TFDP2: variants seen among roughly 807,000 people sequenced by gnomAD.
The protein encoded by TFDP2 is transcription factor Dp-2 (E2F dimerization partner 2).
TFDP2 carries 17 observed loss-of-function variants against 59.3 expected under a neutral mutation model. That is an observed-to-expected ratio of 0.29 (90% CI 0.20 to 0.43). TFDP2 has a LOEUF of 0.43. TFDP2 is among the 20% of genes least tolerant of loss of function. TFDP2 has a pLI of 1.00. For missense variants in TFDP2, 391 were observed against 528.8 expected, an observed-to-expected ratio of 0.74 and a Z score of 2.56; for synonymous variants, 180 against 194.7, an observed-to-expected ratio of 0.92 and a Z score of 0.63.
At position 141,963,867 on chromosome 3, in the gene TFDP2, T is replaced by C. The variant is rs1317022460; in HGVS notation, c.829A>G (p.Ile277Val). 4 of 1,613,556 alleles carry C rather than the reference T, an allele frequency of 2.5e-6. No individual in the cohort carries two copies. Among genetic ancestry groups the C allele is most frequent in the African/African-American group, 2.7e-5 (2 of 74,798 alleles). Residue 277 changes from isoleucine (I) to valine (V), a missense_variant, in exon 10 of 13, where the codon ATA (isoleucine) becomes GTA (valine). Physicochemically the swap from Ile to Val is conservative, Grantham distance 29. Transcript: ENST00000489671. ...GTTTTTCTGCTTGTATTGATGATTA[T>C]GAATGGCAGCTGAATGGTAGAGTTC... ...ALNSTIQLPF[I>V]IINTSRKTVI...
intron 3 of TFDP2, among the ~76,000 whole-genome samples, chr3:142,039,894 G>A (rs781529046): frequency 2.6e-5 from 4 of 152,092 alleles, no homozygotes; most frequent in Admixed American, 2.0e-4. Context: ...CCAGGTACCA[G>A]GTAACAGCAG....
chr3:142,029,680 A>G (rs1422685510), intron 3 of TFDP2, among the ~76,000 whole-genome samples: 2 of 152,206 alleles, frequency 1.3e-5, no homozygotes, highest in Admixed American at 1.3e-4. Context: ...TTAAAAACAA[A>G]GCAACTGAGA....
At chr3:141,959,952 A>G in intron 10 of TFDP2, 112 bp from the exon 11 acceptor site, 2 of 1,005,270 alleles carry the variant, frequency 2.0e-6, no homozygotes, top group Non-Finnish European at 2.9e-6. Flanking sequence ...CTATAGTGCT[A>G]GAAATTGCTA....
intron 3 of TFDP2, among the ~76,000 whole-genome samples, chr3:142,008,788 A>G (rs74894995): frequency 0.15 from 22,380 of 152,124 alleles, 1,731 homozygotes; most frequent in African/African-American, 0.17. Flanking sequence ...CCTAAGCATC[A>G]ATGAGGAAAA....
intron 4 of TFDP2, among the ~76,000 whole-genome samples, chr3:142,005,197 G>A (rs1242566216): frequency 1.3e-5 from 2 of 152,226 alleles, no homozygotes; most frequent in East Asian, 3.9e-4. Flanking sequence ...TCAGGCATGC[G>A]CCACAGTGCC....
chr3:142,017,288 T>A (rs1489923481), intron 3 of TFDP2, among the ~76,000 whole-genome samples: 1 of 152,230 alleles, frequency 6.6e-6, no homozygotes, highest in Non-Finnish European at 1.5e-5. Context: ...TCTCATTCAT[T>A]GCTCCAGCTA....
At chr3:141,983,620 C>G (rs1206805416) in intron 6 of TFDP2, among the ~76,000 whole-genome samples, 1 of 105,292 alleles carries the variant, frequency 9.5e-6, no homozygotes, top group Non-Finnish European at 1.9e-5. Flanking sequence ...GAGAATGTCT[C>G]AAGAAAAAAA....
intron 7 of TFDP2, among the ~76,000 whole-genome samples, chr3:141,975,121 C>G (rs2108031018): frequency 6.6e-6 from 1 of 151,870 alleles, no homozygotes; most frequent in South Asian, 2.1e-4. Flanking sequence ...ACCATATTGG[C>G]CAGGCTGATC....
In TFDP2 at chr3:142,123,259, C is replaced by T. The variant is rs551932798; in HGVS notation, c.-92-21418G>A. 2.0e-5 allele frequency among the ~76,000 whole-genome samples: 3 copies of T among 152,242 alleles called. No homozygotes were observed. The South Asian group carries it at 6.2e-4, about 32-fold the overall frequency. On this transcript the variant is annotated intron_variant, in intron 1 of 12. Transcript: ENST00000489671. ...AAGTGATTCTCCTGCCTCAGCCTCCCGAGTAGCTGGGACTACAGGCGCGTG... is the reference window on the plus strand; with the variant it reads ...AAGTGATTCTCCTGCCTCAGCCTCCTGAGTAGCTGGGACTACAGGCGCGTG...
At chr3:142,127,662 T>C (rs1032765189) in intron 1 of TFDP2, among the ~76,000 whole-genome samples, 3 of 152,084 alleles carry the variant, frequency 2.0e-5, no homozygotes, top group Non-Finnish European at 4.4e-5. Flanking sequence ...AATAAAACTT[T>C]TTGTTGAGAT....
intron 3 of TFDP2, among the ~76,000 whole-genome samples, chr3:142,010,521 A>C (rs1291283651): frequency 6.6e-6 from 1 of 150,770 alleles, no homozygotes; most frequent in Non-Finnish European, 1.5e-5. Flanking sequence ...AGGCAGGAGA[A>C]TCGCTTGAAC....
At chr3:141,991,531 G>A (rs1056021541) in intron 6 of TFDP2, among the ~76,000 whole-genome samples, 5 of 152,300 alleles carry the variant, frequency 3.3e-5, no homozygotes, top group African/African-American at 1.2e-4. Context: ...GGCCAAGGTG[G>A]GTGGATCACT....
rs1559959815 is a variant in TFDP2 at position 141,977,130 on chromosome 3, C to CTTTTTTTTT, written c.519+1389_519+1390insAAAAAAAAA. 4.3e-4 allele frequency among the ~76,000 whole-genome samples: 49 copies of CTTTTTTTTT among 113,294 alleles called. 2 individuals carry two copies. Among genetic ancestry groups the CTTTTTTTTT allele is most frequent in the East Asian group, 7.0e-4 (3 of 4,264 alleles). The allele number at this position is 113,294 out of a possible 152,430, so 74.3% of individuals were successfully genotyped here. On this transcript the variant is annotated intron_variant, in intron 7 of 12. Transcript: ENST00000489671. ...TATTTTTTTTTTTTTTTTTTTTTTC[C>CTTTTTTTTT]CCCCAAAGAGACGAAGTCTTGCTTT... is the stretch of plus-strand genomic sequence containing the variant.
chr3:142,060,626 A>T (rs1022874813), intron 3 of TFDP2, among the ~76,000 whole-genome samples: 1 of 152,062 alleles, frequency 6.6e-6, no homozygotes, highest in African/African-American at 2.4e-5. Context: ...GTGTGTGTGG[A>T]GGGGGGCAGT....
intron 3 of TFDP2, among the ~76,000 whole-genome samples, chr3:142,044,403 T>A (rs1947217591): frequency 6.6e-6 from 1 of 151,782 alleles, no homozygotes; most frequent in East Asian, 1.9e-4. Flanking sequence ...GCCCAGATAA[T>A]TTCTGTATTT....
rs562055405 is a variant in TFDP2, at chr3:142,020,130, T to G, written c.83-14586A>C. ...AAATGATTTCACAACCTTAAGACTG[T>G]ATTTCTAATTTTAGCCAGCCATCTA... On this transcript the variant is annotated intron_variant, in intron 3 of 12. Coordinates refer to ENST00000489671, the MANE Select transcript of TFDP2 (RefSeq NM_001178139.2). Among the ~76,000 whole-genome samples the G allele has an allele frequency of 1.8e-4, 28 of 152,330 alleles. No homozygotes were observed. The South Asian group carries it at 4.8e-3, about 26-fold the overall frequency.
chr3:141,956,719 C>T (rs979208595), intron 11 of TFDP2, among the ~76,000 whole-genome samples: 2 of 151,234 alleles, frequency 1.3e-5, no homozygotes, highest in African/African-American at 4.9e-5. Flanking sequence ...TGAGACTAGC[C>T]TGGACAACAT....
chr3:142,042,067 G>A (rs1438629325), intron 3 of TFDP2, among the ~76,000 whole-genome samples: 1 of 152,076 alleles, frequency 6.6e-6, no homozygotes, highest in Non-Finnish European at 1.5e-5. Flanking sequence ...CAGCTTTATA[G>A]TAGGCCTCAA....
At chr3:142,011,851 G>A (rs764201173) in intron 3 of TFDP2, among the ~76,000 whole-genome samples, 1 of 152,080 alleles carries the variant, frequency 6.6e-6, no homozygotes, top group Non-Finnish European at 1.5e-5. Flanking sequence ...GCACTCAAGG[G>A]ACTAACATAC....
Sources: allele counts gnomAD v4.1 joint callset (sites outside exome capture counted in the v4.1 genomes callset), GRCh38; gene constraint gnomAD v4.1.1; transcripts MANE v1.5; gene names NCBI Gene and HGNC (gene_info 2026-07-23, HGNC 2026-07-21).